Variants in HSPA12A observed in about 807,000 individuals in gnomAD.
The protein encoded by HSPA12A is heat shock 70 kDa protein 12A.
A neutral mutation model predicts 69.2 loss-of-function variants in HSPA12A; 28 were observed. The observed-to-expected ratio is 0.40, with a 90% CI of 0.30 to 0.55. The LOEUF (loss-of-function observed/expected upper bound fraction) is 0.55, where lower values mean the gene tolerates loss of function less well. Among genes scored for constraint, HSPA12A ranks in the 20% least tolerant of loss-of-function variants. HSPA12A has a pLI of 0.38. For synonymous variants in HSPA12A, 345 were observed against 370.5 expected (o/e 0.93, Z 0.79); for missense variants, 686 against 900.7 (o/e 0.76, Z 3.05).
At chr10:116,719,772 A>AT (rs1850717547) in intron 1 of HSPA12A, among the ~76,000 whole-genome samples, 1 of 152,202 alleles carries the variant, frequency 6.6e-6, no homozygotes. Context: ...GGTGGGAAAT[A>AT]TTTAACAGCA....
At chr10:116,793,712 T>G (rs1052224665) in intron 2 of HSPA12A, among the ~76,000 whole-genome samples, 1 of 152,132 alleles carries the variant, frequency 6.6e-6, no homozygotes, top group African/African-American at 2.4e-5. Flanking sequence ...AAGCGTTACA[T>G]TCATATCATA....
At chr10:116,756,541 CA>C (rs1352233544) in intron 2 of HSPA12A, among the ~76,000 whole-genome samples, 2 of 152,242 alleles carry the variant, frequency 1.3e-5, no homozygotes, top group Non-Finnish European at 2.9e-5. Context: ...GGCACACGGG[CA>C]CCCTCTGGGC....
chr10:116,730,930 C>A (rs1851131813), intron 1 of HSPA12A, among the ~76,000 whole-genome samples: 1 of 152,244 alleles, frequency 6.6e-6, no homozygotes, highest in Non-Finnish European at 1.5e-5. Context: ...TGGTTCCCAC[C>A]CTCCCAACGT....
intron 2 of HSPA12A, among the ~76,000 whole-genome samples, chr10:116,757,328 C>T (rs1262005577): frequency 1.3e-5 from 2 of 152,174 alleles, no homozygotes; most frequent in Non-Finnish European, 2.9e-5. Flanking sequence ...AAGCAGCTCT[C>T]GCATGGGCTG....
intron 2 of HSPA12A, among the ~76,000 whole-genome samples, chr10:116,826,261 A>G (rs1458833886): frequency 3.3e-5 from 5 of 152,192 alleles, no homozygotes; most frequent in African/African-American, 7.2e-5. Context: ...GTCGTGACAT[A>G]TTTATTTAAT....
chr10:116,675,341 G>A lies in HSPA12A; in HGVS notation c.1468C>T (p.Leu490=). The A allele has an allele frequency of 6.2e-7, 1 of 1,612,836 alleles. No homozygotes were observed. The highest frequency in any genetic ancestry group is 1.7e-5 in the Admixed American group (1 of 59,962). The change falls in exon 12 of 12, where the codon CTG becomes TTG. Residue 490 remains leucine (L), a synonymous_variant. Transcript: ENST00000369209. The surrounding 1 kb of genome is among the most constrained non-coding windows in gnomAD (Gnocchi z 5.2). ...AAAGCAGCCTGCACCGCCTGCTGCAGCAGGGGCGCCTCGGCAAAGCCGCCC... is the reference window on the plus strand; with the variant it reads ...AAAGCAGCCTGCACCGCCTGCTGCAACAGGGGCGCCTCGGCAAAGCCGCCC... ...LVGGFAEAPL[L]QQAVQAAFGD...
intron 2 of HSPA12A, among the ~76,000 whole-genome samples, chr10:116,810,061 G>A (rs914966340): frequency 6.6e-6 from 1 of 152,182 alleles, no homozygotes; most frequent in African/African-American, 2.4e-5. Flanking sequence ...TCTGAGCAGC[G>A]CTTAACAAAT....
At chr10:116,711,844 TA>T (rs1554883132) in intron 1 of HSPA12A, among the ~76,000 whole-genome samples, 3 of 150,996 alleles carry the variant, frequency 2.0e-5, no homozygotes, top group African/African-American at 7.3e-5. Flanking sequence ...TTTTTTTTTT[TA>T]AATTTTTAAA....
upstream of HSPA12A, chr10:116,849,778 C>A (rs540321086): frequency 7.8e-5 from 114 of 1,464,946 alleles, no homozygotes; most frequent in South Asian, 6.7e-4. Flanking sequence ...CCCTCTCCCC[C>A]CGCCCCGCGC....
chr10:116,814,490 T>C (rs1845259605), intron 2 of HSPA12A, among the ~76,000 whole-genome samples: 1 of 152,192 alleles, frequency 6.6e-6, no homozygotes, highest in African/African-American at 2.4e-5. Flanking sequence ...ATGAACTTTT[T>C]CCCCCATGGG....
intron 2 of HSPA12A, among the ~76,000 whole-genome samples, chr10:116,774,494 G>A (rs1320069623): frequency 6.6e-6 from 1 of 152,140 alleles, no homozygotes; most frequent in East Asian, 1.9e-4. Flanking sequence ...CAGAGACTCT[G>A]GGTAGGGCCC....
chr10:116,705,972 T>C (rs1470266322), intron 2 of HSPA12A, among the ~76,000 whole-genome samples: 3 of 145,430 alleles, frequency 2.1e-5, no homozygotes, highest in African/African-American at 7.7e-5. Flanking sequence ...CTCGGCTCAC[T>C]GCAAGCTCTG....
chr10:116,742,668 A>T, upstream of HSPA12A: 1 of 921,924 alleles, frequency 1.1e-6, no homozygotes, highest in Non-Finnish European at 1.3e-6. Flanking sequence ...CGCCCCTCCG[A>T]GCTCGGGCCG....
chr10:116,835,118 G>C, intron 1 of HSPA12A: 1 of 705,948 alleles, frequency 1.4e-6, no homozygotes, highest in Non-Finnish European at 1.9e-6. Context: ...CGGTTTGTAA[G>C]AGGCAGCACC....
chr10:116,839,321 C>T (rs929966182), intron 1 of HSPA12A, among the ~76,000 whole-genome samples: 2 of 152,150 alleles, frequency 1.3e-5, no homozygotes, highest in Admixed American at 6.6e-5. Flanking sequence ...GCACAGACTT[C>T]GCTCCCCTCC....
intron 2 of HSPA12A, among the ~76,000 whole-genome samples, chr10:116,822,147 C>G (rs1327198370): frequency 2.6e-5 from 4 of 152,198 alleles, no homozygotes; most frequent in African/African-American, 9.6e-5. Context: ...AACTGAGTTT[C>G]TTCTCACTTC....
chr10:116,747,869 C>A (rs375817455), intron 2 of HSPA12A, among the ~76,000 whole-genome samples: 1 of 151,982 alleles, frequency 6.6e-6, no homozygotes, highest in Admixed American at 6.6e-5. Context: ...CATGGTGGTG[C>A]GTGCCTGTAA....
chr10:116,779,169 C>T (rs972025615), intron 2 of HSPA12A, among the ~76,000 whole-genome samples: 8 of 152,228 alleles, frequency 5.3e-5, no homozygotes, highest in African/African-American at 1.7e-4. Flanking sequence ...CCCTTCGCAA[C>T]ATCGTGAGCG....
chr10:116,843,280 C>T (rs965718752), intron 1 of HSPA12A, among the ~76,000 whole-genome samples: 5 of 152,196 alleles, frequency 3.3e-5, no homozygotes, highest in African/African-American at 1.2e-4. Flanking sequence ...ACCTCAAAAG[C>T]TCACTGATAC....
Sources: allele counts gnomAD v4.1 joint callset (sites outside exome capture counted in the v4.1 genomes callset), GRCh38; gene constraint gnomAD v4.1.1; non-coding constraint Gnocchi (gnomAD v3.1); transcripts MANE v1.5; gene names NCBI Gene and HGNC (gene_info 2026-07-23, HGNC 2026-07-21).